The following FAM168A variants were observed in gnomAD, a reference collection of about 807,000 sequenced individuals.
FAM168A encodes family with sequence similarity 168 member A.
A neutral mutation model predicts 28.5 loss-of-function variants in FAM168A; 3 were observed. That is an observed-to-expected ratio of 0.11 (90% CI 0.05 to 0.27). FAM168A has a LOEUF of 0.27. FAM168A is among the 10% of genes least tolerant of loss of function. The pLI is 1.00. For missense variants in FAM168A, 222 were observed against 311.5 expected (o/e 0.71, Z 2.16); for synonymous variants, 122 against 124.2 (o/e 0.98, Z 0.12).
intron 1 of FAM168A, among the ~76,000 whole-genome samples, chr11:73,569,236 A>G (rs548847350): frequency 1.3e-5 from 2 of 152,290 alleles, no homozygotes; most frequent in South Asian, 4.1e-4. Flanking sequence ...TAGTATCGCC[A>G]CTCTTTAATA....
At chr11:73,484,306 C>T (rs1318443498) in intron 1 of FAM168A, among the ~76,000 whole-genome samples, 1 of 152,058 alleles carries the variant, frequency 6.6e-6, no homozygotes. Flanking sequence ...GGAACACTCT[C>T]CTCTGAGCTT....
At chr11:73,557,916 A>T (rs1173116586) in intron 1 of FAM168A, among the ~76,000 whole-genome samples, 1 of 152,236 alleles carries the variant, frequency 6.6e-6, no homozygotes, top group Non-Finnish European at 1.5e-5. Flanking sequence ...ATCACTAATC[A>T]ATGAGAAAAG....
chr11:73,435,733 A>AAGTAG (rs1867075857), intron 2 of FAM168A, among the ~76,000 whole-genome samples: 1 of 152,150 alleles, frequency 6.6e-6, no homozygotes, highest in Non-Finnish European at 1.5e-5. Flanking sequence ...GGATTGCTTG[A>AAGTAG]GCTCAGGATC....
chr11:73,461,463 G>C (rs1366252793), intron 2 of FAM168A, among the ~76,000 whole-genome samples: 1 of 152,092 alleles, frequency 6.6e-6, no homozygotes, highest in Non-Finnish European at 1.5e-5. Flanking sequence ...TTAGACCTCA[G>C]GTTTCTCATC....
At chr11:73,591,535 T>G (rs1944381785) in intron 1 of FAM168A, among the ~76,000 whole-genome samples, 1 of 152,180 alleles carries the variant, frequency 6.6e-6, no homozygotes, top group Non-Finnish European at 1.5e-5. Flanking sequence ...ATTTATTTAT[T>G]GAGATATAGT....
At chr11:73,490,415 G>C (rs369425776) in intron 1 of FAM168A, among the ~76,000 whole-genome samples, 2 of 152,096 alleles carry the variant, frequency 1.3e-5, no homozygotes, top group African/African-American at 2.4e-5. Flanking sequence ...CCTACCTCAC[G>C]CAGTGGAAAA....
chr11:73,525,086 C>T (rs1419386259), intron 1 of FAM168A, among the ~76,000 whole-genome samples: 3 of 151,168 alleles, frequency 2.0e-5, no homozygotes, highest in African/African-American at 4.9e-5. Context: ...TCCCTCAATC[C>T]TTCTCCCCTC....
intron 1 of FAM168A, among the ~76,000 whole-genome samples, chr11:73,534,267 T>C (rs1166610593): frequency 6.6e-6 from 1 of 152,160 alleles, no homozygotes; most frequent in Non-Finnish European, 1.5e-5. Flanking sequence ...ACTGACTTAT[T>C]AGATCCAAGG....
At chr11:73,580,298 G>C in intron 1 of FAM168A, 1 of 568,106 alleles carries the variant, frequency 1.8e-6, no homozygotes, top group South Asian at 1.4e-5. Context: ...ATAAAGCCAA[G>C]GTGAAGGATG....
Position 73,404,226 on chromosome 11 carries a change from TCC to T in FAM168A, c.*2535_*2536del, listed in dbSNP as rs1866462350. The T allele has an allele frequency of 6.6e-6, 1 of 152,248 alleles. No individual in the cohort carries two copies. Among genetic ancestry groups the T allele is most frequent in the Non-Finnish European group, 1.5e-5 (1 of 68,056 alleles). The allele number at this position is 152,248 out of a possible 1,614,324, so 9.4% of individuals were successfully genotyped here. A position where few individuals can be genotyped will look rare whatever the true frequency, so the allele number is the denominator to read the frequency against. On this transcript the variant is annotated 3_prime_UTR_variant, in exon 8 of 8. Transcript: ENST00000356467. ...CTTCTTCCTTTCTCCTCTCTGTGGT[TCC>T]ACCCCAGCCCACATGGAGGCAGCAG...
At chr11:73,592,572 C>T (rs1315393895) in intron 1 of FAM168A, among the ~76,000 whole-genome samples, 1 of 151,274 alleles carries the variant, frequency 6.6e-6, no homozygotes, top group African/African-American at 2.4e-5. Context: ...GTGAGTTTTA[C>T]ATTCTTAAAA....
At chr11:73,433,883 GT>G (rs1272779130) in intron 2 of FAM168A, among the ~76,000 whole-genome samples, 4 of 113,066 alleles carry the variant, frequency 3.5e-5, no homozygotes, top group Non-Finnish European at 6.6e-5. Context: ...GTTTCACTCT[GT>G]CGCCAGGCTG....
At chr11:73,439,177 A>G (rs1418823910) in intron 2 of FAM168A, among the ~76,000 whole-genome samples, 3 of 152,142 alleles carry the variant, frequency 2.0e-5, no homozygotes, top group African/African-American at 4.8e-5. Context: ...GATAGCCTGT[A>G]TATTAGATTC....
intron 1 of FAM168A, among the ~76,000 whole-genome samples, chr11:73,502,770 A>G (rs1855035111): frequency 6.6e-6 from 1 of 152,068 alleles, no homozygotes; most frequent in South Asian, 2.1e-4. Context: ...TGGCAAACTG[A>G]ATCCAGCAGC....
intron 1 of FAM168A, among the ~76,000 whole-genome samples, chr11:73,537,440 A>G (rs1291529389): frequency 6.6e-6 from 1 of 152,176 alleles, no homozygotes; most frequent in Non-Finnish European, 1.5e-5. Context: ...ATGCGCCTAT[A>G]GTCCCAGCTA....
chr11:73,423,964 G>T lies in FAM168A; in HGVS notation c.152-3965C>A, dbSNP rs74810736. Among the ~76,000 whole-genome samples, 769 of 152,302 alleles carry T rather than the reference G, an allele frequency of 5.0e-3. 10 individuals are homozygous for T. Among genetic ancestry groups the T allele is most frequent in the African/African-American group, 0.018 (743 of 41,542 alleles). ...AATGAAAGCTTCTCTAACTTTTTAT[G>T]CACCCTTCTGTCCAGGTTCATATAT... On this transcript the variant is annotated intron_variant, in intron 3 of 7. Transcript: ENST00000356467.
intron 7 of FAM168A, among the ~76,000 whole-genome samples, 163 bp from the exon 8 acceptor site, chr11:73,406,907 G>A (rs747157033): frequency 2.6e-5 from 4 of 152,176 alleles, no homozygotes; most frequent in Non-Finnish European, 5.9e-5. Context: ...GGGGAGGCCA[G>A]ATGATGTGGG....
At chr11:73,535,053 T>G (rs1943560318) in intron 1 of FAM168A, among the ~76,000 whole-genome samples, 1 of 152,152 alleles carries the variant, frequency 6.6e-6, no homozygotes, top group Admixed American at 6.5e-5. Flanking sequence ...CCAGCCCTAG[T>G]GGAAAAACCT....
intron 1 of FAM168A, among the ~76,000 whole-genome samples, chr11:73,579,200 C>G (rs1052337600): frequency 3.9e-5 from 6 of 152,124 alleles, no homozygotes; most frequent in Non-Finnish European, 8.8e-5. Context: ...ATTAGGGTTT[C>G]AACATATGAA....
Sources: allele counts gnomAD v4.1 joint callset (sites outside exome capture counted in the v4.1 genomes callset), GRCh38; gene constraint gnomAD v4.1.1; transcripts MANE v1.5; gene names NCBI Gene and HGNC (gene_info 2026-07-23, HGNC 2026-07-21).